NPAS3: variants seen among roughly 807,000 people sequenced by gnomAD.
The protein encoded by NPAS3 is neuronal PAS domain protein 3.
A neutral mutation model predicts 73.1 loss-of-function variants in NPAS3; 14 were observed. The observed-to-expected ratio is 0.19, with a 90% CI of 0.13 to 0.30. NPAS3 has a LOEUF of 0.30. Ranked by LOEUF, NPAS3 falls within the 10% of genes least tolerant of loss-of-function variation. The probability of loss-of-function intolerance (pLI) is 1.00; values close to 1 mark genes in which losing one functional copy is unlikely to be tolerated. For missense variants in NPAS3, 1,096 were observed against 1,250.0 expected, an observed-to-expected ratio of 0.88 and a Z score of 1.86; for synonymous variants, 620 against 541.5, an observed-to-expected ratio of 1.14 and a Z score of -2.01.
At chr14:33,419,661 T>A (rs920717258) in intron 4 of NPAS3, among the ~76,000 whole-genome samples, 1 of 151,930 alleles carries the variant, frequency 6.6e-6, no homozygotes, top group Non-Finnish European at 1.5e-5. Flanking sequence ...TAAAGATAAA[T>A]TTATTTTTAG....
intron 4 of NPAS3, among the ~76,000 whole-genome samples, chr14:33,486,219 A>G (rs960024691): frequency 1.3e-5 from 2 of 151,816 alleles, no homozygotes; most frequent in African/African-American, 4.8e-5. Context: ...AGTCATAGAG[A>G]GAAATAGATA....
At chr14:33,040,857 A>G (rs1293420712) in intron 1 of NPAS3, among the ~76,000 whole-genome samples, 1 of 152,180 alleles carries the variant, frequency 6.6e-6, no homozygotes, top group East Asian at 1.9e-4. Flanking sequence ...TCACATTTGC[A>G]TAGAACTTGC....
At chr14:33,453,263 T>C (rs1008881111) in intron 4 of NPAS3, among the ~76,000 whole-genome samples, 6 of 152,194 alleles carry the variant, frequency 3.9e-5, no homozygotes, top group African/African-American at 1.2e-4. Flanking sequence ...CCTGGTGTGA[T>C]TGAGTTTTAA....
chr14:33,364,863 G>A (rs1460645543), intron 3 of NPAS3, among the ~76,000 whole-genome samples: 1 of 151,546 alleles, frequency 6.6e-6, no homozygotes, highest in Non-Finnish European at 1.5e-5. Flanking sequence ...CTTGCATCTT[G>A]GGCCTCCTAA....
At chr14:33,198,277 G>C (rs896273996) in intron 2 of NPAS3, among the ~76,000 whole-genome samples, 1 of 145,694 alleles carries the variant, frequency 6.9e-6, no homozygotes, top group Non-Finnish European at 1.5e-5. Flanking sequence ...TGCTGGCTCA[G>C]GCAGCCTGCT....
At chr14:33,515,463 C>T (rs1319475143) in intron 4 of NPAS3, among the ~76,000 whole-genome samples, 1 of 152,066 alleles carries the variant, frequency 6.6e-6, no homozygotes, top group East Asian at 1.9e-4. Context: ...TAACTCCCAC[C>T]AGCCAAATCT....
rs146133224 is a variant in NPAS3, at chr14:33,186,756, G to A, written c.141-28426G>A. ...GCCTTGTTGAATTTTTTTGTTTAGT[G>A]TGTCCAGAATCTGTCTCCTGTTCTG... On this transcript the variant is annotated intron_variant, in intron 2 of 11. Transcript: ENST00000356141. Among the ~76,000 whole-genome samples, 340 of 152,194 alleles carry A rather than the reference G, an allele frequency of 2.2e-3. 3 individuals carry two copies. Among genetic ancestry groups the A allele is most frequent in the African/African-American group, 7.5e-3 (311 of 41,542 alleles).
intron 5 of NPAS3, among the ~76,000 whole-genome samples, chr14:33,599,176 G>A (rs868776052): frequency 6.6e-6 from 1 of 152,064 alleles, no homozygotes; most frequent in African/African-American, 2.4e-5. Context: ...TTATGTGTCC[G>A]TATTTATTTG....
chr14:33,775,879 G>T (rs141996722), intron 8 of NPAS3, among the ~76,000 whole-genome samples: 1 of 152,174 alleles, frequency 6.6e-6, no homozygotes, highest in Non-Finnish European at 1.5e-5. Context: ...CACATGGGGC[G>T]TGTGCAAAGC....
intron 7 of NPAS3, among the ~76,000 whole-genome samples, chr14:33,751,866 C>A (rs114079436): frequency 2.3e-4 from 35 of 152,102 alleles, no homozygotes; most frequent in Non-Finnish European, 4.1e-4. Flanking sequence ...AAGTGATCTG[C>A]GATTAAAACA....
chr14:33,140,362 AAC>A (rs1595533752), intron 2 of NPAS3, among the ~76,000 whole-genome samples: 1 of 152,126 alleles, frequency 6.6e-6, no homozygotes, highest in East Asian at 1.9e-4. Flanking sequence ...TAGGGAAAAG[AAC>A]ACAGAAAAAA....
At chr14:33,192,372 A>G (rs1287906336) in intron 2 of NPAS3, among the ~76,000 whole-genome samples, 2 of 152,196 alleles carry the variant, frequency 1.3e-5, no homozygotes, top group African/African-American at 4.8e-5. Context: ...ACATGTTTTA[A>G]AAAACAGCTG....
rs189930912 is a variant in NPAS3 at position 33,439,721 on chromosome 14, C to A, written c.468+72453C>A. 2.9e-3 allele frequency among the ~76,000 whole-genome samples: 444 copies of A among 152,284 alleles called. 4 individuals are homozygous for A. The highest frequency in any genetic ancestry group is 0.01 in the African/African-American group (423 of 41,560). ...GACAGAAAGCAGTAACTCGTCAGTG[C>A]TAATGGACGGTTAAGTTTGCTAGGT... is the stretch of plus-strand genomic sequence containing the variant. On this transcript the variant is annotated intron_variant, in intron 4 of 11. Transcript: ENST00000356141.
chr14:33,220,337 G>A (rs17556706), intron 3 of NPAS3, among the ~76,000 whole-genome samples: 47,110 of 151,990 alleles, frequency 0.31, 7,557 homozygotes, highest in East Asian at 0.51. Context: ...TGAGCTGCCA[G>A]TGTTCGTTGT....
At chr14:32,972,074 G>A (rs1393219456) in intron 1 of NPAS3, among the ~76,000 whole-genome samples, 1 of 151,874 alleles carries the variant, frequency 6.6e-6, no homozygotes, top group Non-Finnish European at 1.5e-5. Flanking sequence ...GAGTAGCTGG[G>A]ACTACAGGCG....
intron 1 of NPAS3, among the ~76,000 whole-genome samples, chr14:32,989,441 G>A (rs2038226136): frequency 6.6e-6 from 1 of 152,100 alleles, no homozygotes; most frequent in Non-Finnish European, 1.5e-5. Flanking sequence ...TCAGGAGATC[G>A]AGACCATCCT....
chr14:33,680,621 C>T (rs1013720912), intron 6 of NPAS3: 42 of 702,506 alleles, frequency 6.0e-5, no homozygotes, highest in Admixed American at 1.0e-4. Context: ...TTCCCACCAG[C>T]GAGTGATCAG....
At chr14:33,404,166 T>C (rs1566871835) in intron 4 of NPAS3, among the ~76,000 whole-genome samples, 1 of 152,172 alleles carries the variant, frequency 6.6e-6, no homozygotes, top group Non-Finnish European at 1.5e-5. Flanking sequence ...CAAGTCAAAG[T>C]AGCATATGGT....
intron 4 of NPAS3, among the ~76,000 whole-genome samples, chr14:33,549,153 A>G (rs2054988578): frequency 6.6e-6 from 1 of 152,258 alleles, no homozygotes. Flanking sequence ...CCCACAATCT[A>G]TTACTTGCAT....
Sources: allele counts gnomAD v4.1 joint callset (sites outside exome capture counted in the v4.1 genomes callset), GRCh38; gene constraint gnomAD v4.1.1; transcripts MANE v1.5; gene names NCBI Gene and HGNC (gene_info 2026-07-23, HGNC 2026-07-21).